The following ALPK2 variants were observed in gnomAD, a reference collection of about 807,000 sequenced individuals.
The protein encoded by ALPK2 is alpha kinase 2, also known as alpha-protein kinase 2.
ALPK2 carries 127 observed loss-of-function variants against 163.1 expected under a neutral mutation model. The observed-to-expected ratio is 0.78, with a 90% CI of 0.67 to 0.90. The LOEUF (loss-of-function observed/expected upper bound fraction) is 0.90. Among genes scored for constraint, ALPK2 ranks in the 40% least tolerant of loss-of-function variants. The pLI is 0.00. For synonymous variants in ALPK2, 953 were observed against 959.1 expected (o/e 0.99, Z 0.12); for missense variants, 2,360 against 2,589.6 (o/e 0.91, Z 1.92).
Position 58,514,926 on chromosome 18 carries a change from ACT to A in ALPK2, c.6029+65_6029+66del, listed in dbSNP as rs2051513220. ...AACACTTGCCCTACTGTTCCTTCTC[ACT>A]CTCTCGTCCCTCCTAGTCCCCAACG... On this transcript the variant is annotated intron_variant, in intron 10 of 12. Transcript: ENST00000361673. 11 of 1,256,726 alleles carry A rather than the reference ACT, an allele frequency of 8.8e-6. No homozygotes were observed. In the East Asian group the frequency reaches 2.7e-4, roughly 31 times the overall value. 77.8% of individuals were successfully genotyped at this position (1,256,726 alleles called of 1,614,324 possible).
At chr18:58,560,902 G>C (rs7232928) in intron 4 of ALPK2, among the ~76,000 whole-genome samples, 2 of 152,062 alleles carry the variant, frequency 1.3e-5, no homozygotes, top group Admixed American at 6.5e-5. Flanking sequence ...TTCTCAGCAG[G>C]CCTATGCCCC....
At chr18:58,616,909 G>C (rs1003975651) in intron 1 of ALPK2, among the ~76,000 whole-genome samples, 2 of 152,020 alleles carry the variant, frequency 1.3e-5, no homozygotes, top group Non-Finnish European at 2.9e-5. Context: ...CGGGGGCTTG[G>C]GGGGTGGGTG....
chr18:58,628,195 C>T (rs1248356907), intron 1 of ALPK2, among the ~76,000 whole-genome samples: 2 of 152,036 alleles, frequency 1.3e-5, no homozygotes, highest in Non-Finnish European at 2.9e-5. Flanking sequence ...TAAATGTTTA[C>T]ATCAGCCATT....
At chr18:58,591,301 A>T (rs1233511801) in intron 3 of ALPK2, among the ~76,000 whole-genome samples, 1 of 152,232 alleles carries the variant, frequency 6.6e-6, no homozygotes, top group Non-Finnish European at 1.5e-5. Context: ...CCCAGAGAAG[A>T]TGTGACACGT....
chr18:58,529,368 C>A, intron 5 of ALPK2, 130 bp from the exon 6 acceptor site: 1 of 1,007,824 alleles, frequency 9.9e-7, no homozygotes, highest in South Asian at 1.9e-5. Flanking sequence ...AGAATTGAGT[C>A]TCTGAGGGGA....
At chr18:58,505,145 C>T (rs1475304102) in intron 10 of ALPK2, among the ~76,000 whole-genome samples, 1 of 152,078 alleles carries the variant, frequency 6.6e-6, no homozygotes, top group African/African-American at 2.4e-5. Flanking sequence ...ATCACTGCCT[C>T]TCTGTGGAGA....
chr18:58,502,218 G>T (rs1053803371), intron 11 of ALPK2, among the ~76,000 whole-genome samples: 2 of 151,386 alleles, frequency 1.3e-5, no homozygotes, highest in Non-Finnish European at 2.9e-5. Flanking sequence ...AGCCAAGTGT[G>T]ATGGCATACT....
intron 5 of ALPK2, among the ~76,000 whole-genome samples, chr18:58,534,420 A>G (rs570394887): frequency 1.3e-5 from 2 of 152,330 alleles, no homozygotes; most frequent in African/African-American, 4.8e-5. Flanking sequence ...TGCATGGTCT[A>G]TTTCATTATA....
intron 12 of ALPK2, among the ~76,000 whole-genome samples, chr18:58,494,791 C>T (rs138869866): frequency 8.5e-5 from 13 of 152,284 alleles, no homozygotes; most frequent in South Asian, 6.2e-4. Context: ...CTGCGATGCT[C>T]GCCTTCCTTT....
intron 1 of ALPK2, among the ~76,000 whole-genome samples, chr18:58,618,237 G>A (rs2052180225): frequency 6.6e-6 from 1 of 152,102 alleles, no homozygotes; most frequent in Admixed American, 6.6e-5. Flanking sequence ...AGTAGAGACG[G>A]GGTTTCACCA....
chr18:58,540,618 T>C (rs2051684898), intron 4 of ALPK2, among the ~76,000 whole-genome samples: 1 of 152,160 alleles, frequency 6.6e-6, no homozygotes, highest in Admixed American at 6.5e-5. Flanking sequence ...CATGGGGAAC[T>C]TCCTGGTCAT....
At chr18:58,568,282 G>T (rs573715830) in intron 4 of ALPK2, among the ~76,000 whole-genome samples, 1 of 152,314 alleles carries the variant, frequency 6.6e-6, no homozygotes, top group South Asian at 2.1e-4. Context: ...TTTGAAAAGT[G>T]CTATTGAATA....
intron 4 of ALPK2, among the ~76,000 whole-genome samples, chr18:58,548,343 T>C (rs1442519748): frequency 2.0e-5 from 3 of 151,922 alleles, no homozygotes; most frequent in African/African-American, 7.2e-5. Context: ...TTTTTTTCTT[T>C]GAGATGGAGT....
Position 58,613,708 on chromosome 18 carries a change from A to AAAAAATAAT in ALPK2, c.-20-1892_-20-1891insATTATTTTT, listed in dbSNP as rs1296907485. ...AGCAAGACTCCATCTCAAAAAAAAA[A>AAAAAATAAT]AATAATAATAATAATAATAATAATA... is the stretch of plus-strand genomic sequence containing the variant. On this transcript the variant is annotated intron_variant, in intron 1 of 12. Transcript: ENST00000361673. Among the ~76,000 whole-genome samples the AAAAAATAAT allele has an allele frequency of 4.4e-4, 42 of 95,182 alleles. 1 individual carries two copies. The highest frequency in any genetic ancestry group is 6.8e-4 in the Non-Finnish European group (31 of 45,906). 62.4% of individuals were successfully genotyped at this position (95,182 alleles called of 152,430 possible).
At chr18:58,590,362 T>C (rs1433858455) in intron 3 of ALPK2, among the ~76,000 whole-genome samples, 1 of 152,152 alleles carries the variant, frequency 6.6e-6, no homozygotes, top group African/African-American at 2.4e-5. Context: ...ACACGAGGTC[T>C]GTAGTGTCTT....
At chr18:58,553,918 G>A (rs1433323082) in intron 4 of ALPK2, among the ~76,000 whole-genome samples, 4 of 132,016 alleles carry the variant, frequency 3.0e-5, no homozygotes, top group Admixed American at 2.5e-4. Context: ...CTAGAGTGCA[G>A]TGGCATGATC....
intron 4 of ALPK2, among the ~76,000 whole-genome samples, chr18:58,563,200 G>T (rs955102530): frequency 6.6e-6 from 1 of 152,066 alleles, no homozygotes; most frequent in Non-Finnish European, 1.5e-5. Flanking sequence ...ACTTTTGAGG[G>T]GCTCCTATCT....
rs193225811 is a variant in ALPK2, at chr18:58,604,562, G to T, written c.227+2760C>A. On this transcript the variant is annotated intron_variant, in intron 3 of 12. Transcript: ENST00000361673. ...CGGGCAGCTAGAATTCAGAACTACC[G>T]GTATAAAAAGTCAGAACTTCCCACG... Among the ~76,000 whole-genome samples the T allele has an allele frequency of 5.3e-5, 8 of 152,224 alleles. No homozygotes were observed. The South Asian group carries it at 1.7e-3, about 32-fold the overall frequency.
intron 4 of ALPK2, among the ~76,000 whole-genome samples, chr18:58,553,207 T>C (rs80205924): frequency 2.3e-3 from 357 of 152,278 alleles, no homozygotes; most frequent in African/African-American, 7.9e-3. Flanking sequence ...GCCTCCTCAA[T>C]TGTGAGAAAA....
Sources: gnomAD v4.1 joint callset for allele counts (sites outside exome capture counted in the v4.1 genomes callset) on GRCh38, gnomAD v4.1.1 for gene constraint, MANE v1.5 for transcripts, NCBI Gene and HGNC (gene_info 2026-07-23, HGNC 2026-07-21) for gene names.